Variants in PER1 observed in about 807,000 individuals in gnomAD.
PER1 encodes period circadian protein homolog 1.
Under a neutral mutation model 125.9 loss-of-function variants are expected in PER1, and 87 were observed. The observed-to-expected ratio is 0.69, with a 90% CI of 0.58 to 0.83. The LOEUF (loss-of-function observed/expected upper bound fraction) is 0.83. PER1 is among the 40% of genes least tolerant of loss of function. The pLI is 0.00. For synonymous variants in PER1, 801 were observed against 714.7 expected, an observed-to-expected ratio of 1.12 and a Z score of -1.93; for missense variants, 1,775 against 1,722.8, an observed-to-expected ratio of 1.03 and a Z score of -0.54.
chr17:8,144,871 C>T lies in PER1; in HGVS notation c.2341G>A (p.Ala781Thr), dbSNP rs748908642. 12 of 1,579,234 alleles carry T rather than the reference C, an allele frequency of 7.6e-6. No homozygotes were observed. In the Admixed American group the frequency reaches 2.1e-4, roughly 28 times the overall value. The change falls in exon 18 of 23, where the codon GCC (alanine) becomes ACC (threonine). Residue 781 changes from alanine to threonine, a missense_variant. By Grantham distance (58) the Ala-to-Thr change is moderately conservative. Coordinates refer to ENST00000317276, the MANE Select transcript of PER1 (RefSeq NM_002616.3). Reference sequence around the variant, plus strand: ...TTCTGTGTGTGCAGGGACAGCACGGCCTTGGTCAGCCCCACTGGACGGTAG... The same window carrying T: ...TTCTGTGTGTGCAGGGACAGCACGGTCTTGGTCAGCCCCACTGGACGGTAG... ...DAYRPVGLTK[A>T]VLSLHTQKEE...
At chr17:8,148,501 G>T in intron 8 of PER1, 143 bp downstream of exon 8, 3 of 1,073,452 alleles carry the variant, frequency 2.8e-6, no homozygotes, top group Non-Finnish European at 2.7e-6. Flanking sequence ...ACCTCTAAGA[G>T]GAGCTCAAAT....
Position 8,143,467 on chromosome 17 carries a change from G to C in PER1, c.2871C>G (p.Ser957=), listed in dbSNP as rs1429536802. ...GAGGACTCGGGGCGAGGGCGGGCAA[G>C]GATGGAGAAGGGGAGTGCGAGGCAG... ...PTPASHSPSP[S]LPALAPSPPH... The change falls in exon 19 of 23, where the codon TCC becomes TCG. Residue 957 remains serine (S), a synonymous_variant. Transcript: ENST00000317276. The C allele has an allele frequency of 6.2e-7, 1 of 1,604,038 alleles. No individual in the cohort carries two copies. Among genetic ancestry groups the C allele is most frequent in the East Asian group, 2.2e-5 (1 of 44,756 alleles).
At position 8,143,846 on chromosome 17, in the gene PER1, C is replaced by T. The variant is rs745694388; in HGVS notation, c.2492G>A (p.Arg831His). 50 of 1,609,050 alleles carry T rather than the reference C, an allele frequency of 3.1e-5. No individual in the cohort carries two copies. Among genetic ancestry groups the T allele is most frequent in the Admixed American group, 1.0e-4 (6 of 59,630 alleles). The change falls in exon 19 of 23, where the codon CGC becomes CAC. Residue 831 changes from arginine (R) to histidine (H), a missense_variant. Coordinates refer to ENST00000317276, the MANE Select transcript of PER1 (RefSeq NM_002616.3). ...GCHHGPAPPS[R>H]RHHCRSKAKR... ...GGCTTTGGATCGGCAGTGGTGTCGG[C>T]GGCTTGGGGGTGCGGGGCCGTGGTG...
chr17:8,142,829 C>G lies in PER1; in HGVS notation c.3079G>C (p.Val1027Leu), dbSNP rs12937495. 5.0e-6 allele frequency: 8 copies of G among 1,598,604 alleles called. No individual in the cohort carries two copies. The highest frequency in any genetic ancestry group is 6.0e-6 in the Non-Finnish European group (7 of 1,174,954). ...GCGTCCTGATTGGAGGACTCAGTGA[C>G]CTCCGCCTGGAGGAGGGGAGGGGGG... ...AAEPEARLAE[V>L]TESSNQDALS... The change falls in exon 20 of 23, where the codon GTC becomes CTC. Residue 1027 changes from valine (V) to leucine (L), a missense_variant. Physicochemically the swap from Val to Leu is conservative, Grantham distance 32. Transcript: ENST00000317276.
Position 8,149,509 on chromosome 17 carries a change from G to A in PER1, c.806C>T (p.Ser269Phe). Residue 269 changes from serine (S) to phenylalanine (F), a missense_variant, in exon 6 of 23, where the codon TCC (serine) becomes TTC (phenylalanine). By Grantham distance (155) the Ser-to-Phe change is radical. Transcript: ENST00000317276. ...APQDVGVFYGSTAPSRLPTWG... is the reference protein window; with the variant it reads ...APQDVGVFYGFTAPSRLPTWG... The stretch of plus-strand genomic sequence containing the variant: ...GGTGGGCAGGCGAGATGGAGCAGTG[G>A]AACCATAGAAGACTCCCACATCCTG... 1.9e-6 allele frequency: 3 copies of A among 1,613,876 alleles called. No homozygotes were observed. The highest frequency in any genetic ancestry group is 2.5e-6 in the Non-Finnish European group (3 of 1,179,984).
In PER1 at chr17:8,146,514, C is replaced by T. The variant is rs759030469; in HGVS notation, c.1908-12G>A. The T allele has an allele frequency of 1.2e-6, 2 of 1,610,352 alleles. No homozygotes were observed. The highest frequency in any genetic ancestry group is 4.5e-5 in the East Asian group (2 of 44,872). Reference sequence around the variant, plus strand: ...AGCTCTCCAGGTACCTGGGGATGGACACAGCACAGGGCATCAGAGCAGGGC... The same window carrying T: ...AGCTCTCCAGGTACCTGGGGATGGATACAGCACAGGGCATCAGAGCAGGGC... On this transcript the variant is annotated splice_polypyrimidine_tract_variant and intron_variant, in intron 15 of 22. Transcript: ENST00000317276.
chr17:8,143,697 C>T lies in PER1; in HGVS notation c.2641G>A (p.Val881Ile), dbSNP rs1490722688. ...AACACTGGGAGAGGGTAGGGCTGGA[C>T]AACCGCTGGGAAGGGGGTAGTGGCT... ...PPATTPFPAV[V>I]QPYPLPVFSP... The change falls in exon 19 of 23, where the codon GTC becomes ATC. Residue 881 changes from valine (V) to isoleucine (I), a missense_variant. By Grantham distance (29) the Val-to-Ile change is conservative. Transcript: ENST00000317276. 1.4e-6 allele frequency: 2 copies of T among 1,455,838 alleles called. No individual in the cohort carries two copies. Among genetic ancestry groups the T allele is most frequent in the South Asian group, 2.7e-5 (2 of 74,182 alleles). 90.2% of individuals were successfully genotyped at this position (1,455,838 alleles called of 1,614,324 possible).
rs368144776 is a variant in PER1 at position 8,150,212 on chromosome 17, G to A, written c.374+7C>T. On this transcript the variant is annotated splice_region_variant and intron_variant, in intron 3 of 22. Coordinates refer to ENST00000317276, the MANE Select transcript of PER1 (RefSeq NM_002616.3). Reference sequence around the variant, plus strand: ...CCAGACCTCTCCTCCAGCCTCACCCGACGTACCTGCAGCCACTGGTGGACG... The same window carrying A: ...CCAGACCTCTCCTCCAGCCTCACCCAACGTACCTGCAGCCACTGGTGGACG... 130 of 1,588,380 alleles carry A rather than the reference G, an allele frequency of 8.2e-5. No individual in the cohort carries two copies. The highest frequency in any genetic ancestry group is 1.5e-4 in the South Asian group (13 of 88,126).
intron 1 of PER1, among the ~76,000 whole-genome samples, chr17:8,151,403 G>A (rs1017284248): frequency 6.6e-6 from 1 of 152,198 alleles, no homozygotes; most frequent in Admixed American, 6.5e-5. Context: ...TTTCCCGGCG[G>A]AAGTGGGGGA....
chr17:8,148,222 C>A lies in PER1; in HGVS notation c.1086G>T (p.Thr362=). The change falls in exon 9 of 23, where the codon ACG becomes ACT. Residue 362 remains threonine (T), a synonymous_variant. Coordinates refer to ENST00000317276, the MANE Select transcript of PER1 (RefSeq NM_002616.3). ...GGAAGAGGCAGCTGGGTGTGTGCCGCGTAGTGAAAATCCTCTTGTCAGGGG... is the reference window on the plus strand; with the variant it reads ...GGAAGAGGCAGCTGGGTGTGTGCCGAGTAGTGAAAATCCTCTTGTCAGGGG... ...RIPPDKRIFT[T]RHTPSCLFQD... is the part of the protein sequence containing the mutation. The A allele has an allele frequency of 6.2e-7, 1 of 1,614,078 alleles. No individual in the cohort carries two copies.
Position 8,142,815 on chromosome 17 carries a change from G to T in PER1, c.3093C>A (p.Ser1031=), listed in dbSNP as rs1982167667. 1 of 1,607,626 alleles carries T rather than the reference G, an allele frequency of 6.2e-7. No individual in the cohort carries two copies. The highest frequency in any genetic ancestry group is 8.5e-7 in the Non-Finnish European group (1 of 1,178,348). ...TGGAGCCGGAAAGTGCGTCCTGATT[G>T]GAGGACTCAGTGACCTCCGCCTGGA... The part of the protein sequence containing the change: ...EARLAEVTES[S]NQDALSGSSD... The change falls in exon 20 of 23, where the codon TCC becomes TCA. Residue 1031 remains serine, a synonymous_variant. Transcript: ENST00000317276.
intron 16 of PER1, 101 bp downstream of exon 16, chr17:8,146,271 G>T: frequency 6.6e-7 from 1 of 1,522,574 alleles, no homozygotes; most frequent in Non-Finnish European, 8.8e-7. Flanking sequence ...GGCTGGGGAG[G>T]AGAGCAGGGC....
At chr17:8,152,117 T>TG (rs1982894174) in intron 1 of PER1, among the ~76,000 whole-genome samples, 1 of 149,668 alleles carries the variant, frequency 6.7e-6, no homozygotes, top group Admixed American at 6.6e-5. Context: ...GACGGGGAGG[T>TG]GGGGACAAGC....
rs897046865 is a variant in PER1 at position 8,140,534 on chromosome 17, C to G, written c.*534G>C. On this transcript the variant is annotated 3_prime_UTR_variant, in exon 23 of 23. Coordinates refer to ENST00000317276, the MANE Select transcript of PER1 (RefSeq NM_002616.3). The stretch of plus-strand genomic sequence containing the variant: ...GACACAAATATCAAAAACACAAATG[C>G]CATCGGCAGAGGGTACAGCTGAGAA... The G allele has an allele frequency of 2.2e-5, 5 of 225,688 alleles. No individual in the cohort carries two copies. The highest frequency in any genetic ancestry group is 4.4e-5 in the Non-Finnish European group (5 of 113,300). The allele number at this position is 225,688 out of a possible 1,614,324, so 14.0% of individuals were successfully genotyped here.
In PER1 at chr17:8,143,663, C is replaced by T. The variant is rs1410723273; in HGVS notation, c.2675G>A (p.Arg892Gln). Residue 892 changes from arginine to glutamine, a missense_variant, in exon 19 of 23, where the codon CGA becomes CAA. Transcript: ENST00000317276. ...QPYPLPVFSP[R>Q]GGPQPLPPAP... ...AGGGGGAAGAGGCTGGGGGCCTCCT[C>T]GAGGAGAGAACACTGGGAGAGGGTA... 6.3e-6 allele frequency: 9 copies of T among 1,439,222 alleles called. No homozygotes were observed. The highest frequency in any genetic ancestry group is 2.0e-4 in the Middle Eastern group (1 of 5,118). 89.2% of individuals were successfully genotyped at this position (1,439,222 alleles called of 1,614,324 possible).
In PER1 at chr17:8,143,894, G is replaced by T; in HGVS notation, c.2462-18C>A. The T allele has an allele frequency of 1.3e-6, 2 of 1,593,580 alleles. No individual in the cohort carries two copies. Among genetic ancestry groups the T allele is most frequent in the South Asian group, 1.1e-5 (1 of 89,388 alleles). ...GTGGCAGCCTGTGGGGAGAGACTAG[G>T]GTTAGCAAGGACCTCAACCTGGGGT... On this transcript the variant is annotated intron_variant, in intron 18 of 22. Transcript: ENST00000317276.
Position 8,141,826 on chromosome 17 carries a change from C to A in PER1, c.3579G>T (p.Leu1193=). 6.2e-7 allele frequency: 1 copy of A among 1,614,058 alleles called. No homozygotes were observed. The highest frequency in any genetic ancestry group is 8.5e-7 in the Non-Finnish European group (1 of 1,180,006). Residue 1193 remains leucine (L), a synonymous_variant, in exon 22 of 23, where the codon CTG becomes CTT. Transcript: ENST00000317276. The part of the protein sequence containing the change: ...AVHSWVRKGQ[L]PRALDVMACV... ...TCACCATCACATCAAGAGCCCGAGG[C>A]AGTTGGCCCTTCCGGACCCAGGAGT...
At chr17:8,144,301 A>G in intron 18 of PER1, 1 of 406,966 alleles carries the variant, frequency 2.5e-6, no homozygotes, top group Non-Finnish European at 4.4e-6. Flanking sequence ...GTGGGGCTGG[A>G]AAGCCCAGTC....
chr17:8,145,884 G>C (rs1016566191), intron 17 of PER1, 74 bp downstream of exon 17: 2 of 1,492,206 alleles, frequency 1.3e-6, no homozygotes, highest in African/African-American at 2.8e-5. Flanking sequence ...TAGAGGGGAG[G>C]GGAAAGGCAG....
Sources: allele counts gnomAD v4.1 joint callset (sites outside exome capture counted in the v4.1 genomes callset), GRCh38; gene constraint gnomAD v4.1.1; transcripts MANE v1.5; gene names NCBI Gene and HGNC (gene_info 2026-07-23, HGNC 2026-07-21).